Variants in KAZN observed in about 807,000 individuals in gnomAD.
KAZN encodes kazrin.
KAZN carries 40 observed loss-of-function variants against 87.4 expected under a neutral mutation model. That is an observed-to-expected ratio of 0.46 (90% CI 0.36 to 0.60). KAZN has a LOEUF of 0.60. KAZN is among the 20% of genes least tolerant of loss of function. The probability of loss-of-function intolerance (pLI) is 0.00; values close to 1 mark genes in which losing one functional copy is unlikely to be tolerated. For missense variants in KAZN, 898 were observed against 1,073.9 expected, an observed-to-expected ratio of 0.84 and a Z score of 2.29; for synonymous variants, 466 against 458.3, an observed-to-expected ratio of 1.02 and a Z score of -0.22.
chr1:14,981,424 G>A (rs922015575), intron 2 of KAZN, among the ~76,000 whole-genome samples: 6 of 152,214 alleles, frequency 3.9e-5, no homozygotes, highest in Non-Finnish European at 8.8e-5. Flanking sequence ...GAGTTTTTAT[G>A]CAAATTGGAA....
chr1:14,967,654 G>A (rs1212084375), intron 2 of KAZN, among the ~76,000 whole-genome samples: 1 of 152,236 alleles, frequency 6.6e-6, no homozygotes, highest in South Asian at 2.1e-4. Flanking sequence ...TGTGACCGGA[G>A]GAGCAGAGGC....
intron 1 of KAZN, among the ~76,000 whole-genome samples, chr1:14,743,743 G>A (rs1032781904): frequency 6.6e-6 from 1 of 152,120 alleles, no homozygotes; most frequent in Non-Finnish European, 1.5e-5. Flanking sequence ...ACTCCCTGCT[G>A]TCTTGAACCA....
At chr1:14,969,487 C>G (rs567784023) in intron 2 of KAZN, among the ~76,000 whole-genome samples, 1 of 152,260 alleles carries the variant, frequency 6.6e-6, no homozygotes, top group African/African-American at 2.4e-5. Context: ...ACAGCCCTGA[C>G]GTAGAAGACT....
chr1:14,998,037 A>T (rs10927625), intron 2 of KAZN, among the ~76,000 whole-genome samples: 56,916 of 151,638 alleles, frequency 0.38, 14,149 homozygotes, highest in African/African-American at 0.71. Flanking sequence ...TGGTTTTGTC[A>T]TGAGGCAGGC....
Position 15,034,759 on chromosome 1 carries a change from T to C in KAZN, c.429T>C (p.Ala143=). ...RAKEALQAMK[A]DRKRLKGEKT... is the part of the protein sequence containing the mutation. Reference sequence around the variant, plus strand: ...CTCCTTTATCCCCAGCCATGAAAGCTGATCGGAAGCGCTTAAAGGGCGAGA... The same window carrying C: ...CTCCTTTATCCCCAGCCATGAAAGCCGATCGGAAGCGCTTAAAGGGCGAGA... The change falls in exon 3 of 15, where the codon GCT becomes GCC. Residue 143 remains alanine (A), a synonymous_variant. Coordinates refer to ENST00000376030, the MANE Select transcript of KAZN (RefSeq NM_201628.3). 6.2e-7 allele frequency: 1 copy of C among 1,614,152 alleles called. No individual in the cohort carries two copies.
chr1:14,112,354 A>G lies in KAZN; in HGVS notation c.92-68081A>G, dbSNP rs934444562. On this transcript the variant is annotated intron_variant, in intron 1 of 16. Coordinates refer to the KAZN transcript ENST00000636203. ...CTCAGTCTGGATGCTGTGTGACCAT[A>G]TGGTAGTGAGGACAAACCCACCACC... is the stretch of plus-strand genomic sequence containing the variant. Among the ~76,000 whole-genome samples, 3 of 137,860 alleles carry G rather than the reference A, an allele frequency of 2.2e-5. 1 individual carries two copies. The highest frequency in any genetic ancestry group is 8.3e-5 in the African/African-American group (3 of 35,938). 90.4% of individuals were successfully genotyped at this position (137,860 alleles called of 152,430 possible).
chr1:14,633,182 G>T (rs575928643), intron 1 of KAZN, among the ~76,000 whole-genome samples: 2 of 152,250 alleles, frequency 1.3e-5, no homozygotes, highest in South Asian at 4.1e-4. Context: ...CTCCCATAGT[G>T]CTGGGATTAC....
intron 1 of KAZN, among the ~76,000 whole-genome samples, chr1:13,967,543 C>T (rs1049743118): frequency 3.3e-5 from 5 of 152,182 alleles, no homozygotes; most frequent in Admixed American, 1.3e-4. Context: ...TCAAGTCCTG[C>T]GTTCACCACT....
At chr1:14,437,456 T>C (rs1228243080) in intron 2 of KAZN, among the ~76,000 whole-genome samples, 1 of 152,212 alleles carries the variant, frequency 6.6e-6, no homozygotes, top group Non-Finnish European at 1.5e-5. Context: ...CAAAGAGAAT[T>C]AGACAGTGAG....
At chr1:14,993,826 A>C (rs1458583843) in intron 2 of KAZN, among the ~76,000 whole-genome samples, 2 of 152,280 alleles carry the variant, frequency 1.3e-5, no homozygotes, top group African/African-American at 4.8e-5. Flanking sequence ...GGCAGAAGAG[A>C]GAACTTTGAG....
intron 1 of KAZN, among the ~76,000 whole-genome samples, chr1:14,861,163 A>G (rs1426337957): frequency 6.6e-6 from 1 of 152,220 alleles, no homozygotes; most frequent in African/African-American, 2.4e-5. Context: ...AGATCACCTG[A>G]GGTCAGGAAT....
intron 2 of KAZN, among the ~76,000 whole-genome samples, chr1:14,305,927 GA>G (rs1163148176): frequency 6.6e-6 from 1 of 152,132 alleles, no homozygotes; most frequent in Non-Finnish European, 1.5e-5. Flanking sequence ...ATTGGGTAGA[GA>G]AGCTCTTGAT....
intron 2 of KAZN, among the ~76,000 whole-genome samples, chr1:14,530,016 G>C (rs79302023): frequency 0.032 from 4,818 of 152,246 alleles, 184 homozygotes; most frequent in East Asian, 0.15. Context: ...TCAGTGGCAG[G>C]TGATAGCACA....
intron 2 of KAZN, among the ~76,000 whole-genome samples, chr1:14,192,900 G>A (rs1012469670): frequency 6.6e-6 from 1 of 152,114 alleles, no homozygotes; most frequent in African/African-American, 2.4e-5. Context: ...AGTTAATCAT[G>A]TTAAGGCCAT....
At chr1:14,944,602 A>G (rs987269150) in intron 1 of KAZN, among the ~76,000 whole-genome samples, 3 of 152,308 alleles carry the variant, frequency 2.0e-5, no homozygotes, top group Non-Finnish European at 2.9e-5. Flanking sequence ...GCCAGGGGCA[A>G]GGGGCAGGTG....
intron 1 of KAZN, among the ~76,000 whole-genome samples, chr1:14,737,369 C>G (rs1038397136): frequency 6.6e-6 from 1 of 152,006 alleles, no homozygotes; most frequent in African/African-American, 2.4e-5. Flanking sequence ...GGATCCTCCA[C>G]GGTATGCACA....
At chr1:14,407,465 G>A (rs1054642071) in intron 2 of KAZN, among the ~76,000 whole-genome samples, 10 of 152,180 alleles carry the variant, frequency 6.6e-5, no homozygotes, top group African/African-American at 2.2e-4. Context: ...GGGATATGAA[G>A]TTAAGTGTGA....
chr1:14,980,352 A>G (rs1056350185), intron 2 of KAZN, among the ~76,000 whole-genome samples: 2 of 152,222 alleles, frequency 1.3e-5, no homozygotes, highest in African/African-American at 2.4e-5. Context: ...TTCCCGAGAC[A>G]GACAGGATCT....
At chr1:14,955,823 C>T (rs553316759) in intron 1 of KAZN, among the ~76,000 whole-genome samples, 30 of 152,326 alleles carry the variant, frequency 2.0e-4, no homozygotes, top group African/African-American at 6.7e-4. Context: ...GTGCCTGCCC[C>T]GCCTCCCTCC....
Sources: allele counts gnomAD v4.1 joint callset (sites outside exome capture counted in the v4.1 genomes callset), GRCh38; gene constraint gnomAD v4.1.1; transcripts MANE v1.5; gene names NCBI Gene and HGNC (gene_info 2026-07-23, HGNC 2026-07-21).